Variants in AQP8 observed in about 807,000 individuals in gnomAD.
The protein encoded by AQP8 is aquaporin-8.
Under a neutral mutation model 26.1 loss-of-function variants are expected in AQP8, and 14 were observed. The ratio of observed to expected loss-of-function variants is 0.54; its 90% confidence interval spans 0.35 to 0.84. The LOEUF (loss-of-function observed/expected upper bound fraction) is 0.84, where lower values mean the gene tolerates loss of function less well. AQP8 is among the 40% of genes least tolerant of loss of function. The pLI, the probability that AQP8 is intolerant of heterozygous loss-of-function variation, is 0.01. For missense variants in AQP8, 301 were observed against 340.5 expected (o/e 0.88, Z 0.91); for synonymous variants, 131 against 150.7 (o/e 0.87, Z 0.96).
At chr16:25,219,983 C>T (rs577748863) in intron 2 of AQP8, among the ~76,000 whole-genome samples, 22 of 151,708 alleles carry the variant, frequency 1.5e-4, no homozygotes, top group African/African-American at 4.4e-4. Context: ...TGCAGTGAGC[C>T]GAGATTGCAC....
At position 25,221,514 on chromosome 16, in the gene AQP8, C is replaced by T. The variant is rs1309075513; in HGVS notation, c.318C>T (p.Asn106=). 2.4e-5 allele frequency: 39 copies of T among 1,613,932 alleles called. No homozygotes were observed. Among genetic ancestry groups the T allele is most frequent in the Non-Finnish European group, 3.1e-5 (37 of 1,180,012 alleles). The change falls in exon 3 of 6, where the codon AAC becomes AAT. Residue 106 remains asparagine, a synonymous_variant. Coordinates refer to ENST00000219660, the MANE Select transcript of AQP8 (RefSeq NM_001169.3). ...SLAAMLIGGL[N]LVMLLPYWVS... Reference sequence around the variant, plus strand: ...CAGCCATGCTGATCGGAGGCCTCAACCTGGTGATGCTCCTCCCGTACTGGG... The same window carrying T: ...CAGCCATGCTGATCGGAGGCCTCAATCTGGTGATGCTCCTCCCGTACTGGG...
chr16:25,228,784 C>T lies in AQP8; in HGVS notation c.*292C>T, dbSNP rs892979314. 2.0e-5 allele frequency: 6 copies of T among 298,740 alleles called. No homozygotes were observed. The Admixed American group carries it at 2.3e-4, about 12-fold the overall frequency. 18.5% of individuals were successfully genotyped at this position (298,740 alleles called of 1,614,324 possible). On this transcript the variant is annotated 3_prime_UTR_variant, in exon 6 of 6. Transcript: ENST00000219660. ...GCGTGTTTCTTGAGAGGAATGTCCC[C>T]GAGTTGGACAAGGAGGCTGTTTCTG...
In AQP8 at chr16:25,217,227, T is replaced by C. The variant is rs1480498997; in HGVS notation, c.42T>C (p.Asn14=). The part of the protein sequence containing the change: ...EIAMCEPEFG[N]DKAREPSVGG... The stretch of plus-strand genomic sequence containing the variant: ...CCATGTGTGAGCCTGAATTTGGCAA[T>C]GACAAGGCCAGGGAGCCGAGCGTGG... Residue 14 remains asparagine (N), a synonymous_variant, in exon 2 of 6, where the codon AAT becomes AAC. Coordinates refer to ENST00000219660, the MANE Select transcript of AQP8 (RefSeq NM_001169.3). 45 of 1,614,222 alleles carry C rather than the reference T, an allele frequency of 2.8e-5. No homozygotes were observed. Among genetic ancestry groups the C allele is most frequent in the Non-Finnish European group, 3.6e-5 (43 of 1,180,040 alleles).
At chr16:25,217,159 C>A (rs1239260478) in intron 1 of AQP8, 39 bp from the exon 2 acceptor site, 1 of 1,613,334 alleles carries the variant, frequency 6.2e-7, no homozygotes, top group Admixed American at 1.7e-5. Flanking sequence ...CTGGACTTGC[C>A]TCCCACCCGT....
Position 25,227,123 on chromosome 16 carries a change from G to A in AQP8, c.658G>A (p.Val220Met). The change falls in exon 5 of 6, where the codon GTG becomes ATG. Residue 220 changes from valine to methionine, a missense_variant. Coordinates refer to ENST00000219660, the MANE Select transcript of AQP8 (RefSeq NM_001169.3). ...NPARAFGPAV[V>M]ANHWNFHWIY... The stretch of plus-strand genomic sequence containing the variant: ...CGCCCGTGCTTTTGGACCTGCGGTG[G>A]TGGCCAACCACTGGAACTTCCACTG... 1 of 1,614,120 alleles carries A rather than the reference G, an allele frequency of 6.2e-7. No homozygotes were observed. The highest frequency in any genetic ancestry group is 8.5e-7 in the Non-Finnish European group (1 of 1,180,022).
intron 4 of AQP8, among the ~76,000 whole-genome samples, chr16:25,225,442 C>A (rs1332391438): frequency 1.3e-5 from 2 of 151,768 alleles, no homozygotes; most frequent in African/African-American, 2.4e-5. Flanking sequence ...CTTTGCTGCC[C>A]CCTAGTGGTC....
rs1243581944 is a variant in AQP8 at position 25,227,209 on chromosome 16, G to C, written c.737+7G>C. 1 of 1,613,934 alleles carries C rather than the reference G, an allele frequency of 6.2e-7. No homozygotes were observed. The highest frequency in any genetic ancestry group is 8.5e-7 in the Non-Finnish European group (1 of 1,179,964). On this transcript the variant is annotated splice_region_variant and intron_variant, in intron 5 of 5. Transcript: ENST00000219660. ...TTGTTGGACTGCTCATTAGGTAGGA[G>C]TGTGACACAGGGTCACCGGCCCATT...
At chr16:25,220,979 A>G (rs1962554608) in intron 2 of AQP8, among the ~76,000 whole-genome samples, 1 of 150,746 alleles carries the variant, frequency 6.6e-6, no homozygotes, top group Non-Finnish European at 1.5e-5. Context: ...TGAACTCAAA[A>G]GGTGGAAGCT....
intron 2 of AQP8, among the ~76,000 whole-genome samples, chr16:25,221,051 G>T (rs73551031): frequency 6.6e-6 from 1 of 152,038 alleles, no homozygotes; most frequent in South Asian, 2.1e-4. Context: ...ACTCCGTCTC[G>T]TAAAATCAAA....
chr16:25,223,209 C>T lies in AQP8; in HGVS notation c.388-1153C>T, dbSNP rs562269531. ...GACGTGCCTGTAAGCAGCACAGCCC[C>T]GACTGGATCCAGAGTCCAGAAGCTT... On this transcript the variant is annotated intron_variant, in intron 3 of 5. Coordinates refer to ENST00000219660, the MANE Select transcript of AQP8 (RefSeq NM_001169.3). 3.6e-3 allele frequency among the ~76,000 whole-genome samples: 541 copies of T among 152,350 alleles called. 2 individuals carry two copies. Among genetic ancestry groups the T allele is most frequent in the Non-Finnish European group, 5.5e-3 (371 of 68,034 alleles).
At chr16:25,220,057 A>G (rs1962539194) in intron 2 of AQP8, among the ~76,000 whole-genome samples, 1 of 151,976 alleles carries the variant, frequency 6.6e-6, no homozygotes, top group African/African-American at 2.4e-5. Flanking sequence ...AAAAAACAAA[A>G]AACAAATCAA....
In AQP8 at chr16:25,217,210, G is replaced by A. The variant is rs762604533; in HGVS notation, c.25G>A (p.Glu9Lys). 6.2e-7 allele frequency: 1 copy of A among 1,614,166 alleles called. No individual in the cohort carries two copies. Among genetic ancestry groups the A allele is most frequent in the Non-Finnish European group, 8.5e-7 (1 of 1,180,048 alleles). The change falls in exon 2 of 6, where the codon GAG (glutamate) becomes AAG (lysine). Residue 9 changes from glutamate (E) to lysine (K), a missense_variant. Glu to Lys is a moderately conservative substitution (Grantham distance 56). Coordinates refer to ENST00000219660, the MANE Select transcript of AQP8 (RefSeq NM_001169.3). MSGEIAMC[E>K]PEFGNDKARE... ...TTCCCTACGGCAGATAGCCATGTGT[G>A]AGCCTGAATTTGGCAATGACAAGGC...
chr16:25,224,314 C>T, intron 3 of AQP8, 48 bp from the exon 4 acceptor site: 7 of 1,554,878 alleles, frequency 4.5e-6, no homozygotes, highest in Non-Finnish European at 6.1e-6. Flanking sequence ...CCTCAGTTTC[C>T]AGCTGTCTCT....
intron 3 of AQP8, among the ~76,000 whole-genome samples, chr16:25,223,949 C>A (rs541580240): frequency 6.6e-6 from 1 of 151,892 alleles, no homozygotes; most frequent in Admixed American, 6.6e-5. Context: ...GCCTCAGCCT[C>A]CTGAGCAGCT....
intron 4 of AQP8, among the ~76,000 whole-genome samples, chr16:25,225,534 G>A (rs573656330): frequency 6.6e-6 from 1 of 151,256 alleles, no homozygotes; most frequent in African/African-American, 2.4e-5. Context: ...AGCCTCACGA[G>A]TATCTGGGAC....
At chr16:25,219,921 T>G (rs768302970) in intron 2 of AQP8, among the ~76,000 whole-genome samples, 1 of 151,728 alleles carries the variant, frequency 6.6e-6, no homozygotes. Context: ...CGTTATCCCA[T>G]CTACTTGGGA....
At chr16:25,223,163 C>A (rs571013149) in intron 3 of AQP8, among the ~76,000 whole-genome samples, 1 of 152,346 alleles carries the variant, frequency 6.6e-6, no homozygotes, top group Non-Finnish European at 1.5e-5. Flanking sequence ...TGCAGAGAAG[C>A]AGGTAACTTG....
chr16:25,217,949 T>C (rs1392921226), intron 2 of AQP8, among the ~76,000 whole-genome samples: 2 of 152,298 alleles, frequency 1.3e-5, no homozygotes, highest in East Asian at 3.9e-4. Flanking sequence ...ACTAGTCTAA[T>C]TACTTTATAG....
chr16:25,223,330 C>A (rs553972991), intron 3 of AQP8, among the ~76,000 whole-genome samples: 1 of 152,372 alleles, frequency 6.6e-6, no homozygotes, highest in South Asian at 2.1e-4. Flanking sequence ...CTCTCCTGCA[C>A]ATGCCCCTTC....
Sources: gnomAD v4.1 joint callset for allele counts (sites outside exome capture counted in the v4.1 genomes callset) on GRCh38, gnomAD v4.1.1 for gene constraint, MANE v1.5 for transcripts, NCBI Gene and HGNC (gene_info 2026-07-23, HGNC 2026-07-21) for gene names.